TSC22D1: variants seen among roughly 807,000 people sequenced by gnomAD.
TSC22D1 encodes the protein TSC22 domain family member 1.
A neutral mutation model predicts 74.2 loss-of-function variants in TSC22D1; 9 were observed. The ratio of observed to expected loss-of-function variants is 0.12; its 90% confidence interval spans 0.07 to 0.21. TSC22D1 has a LOEUF of 0.21. TSC22D1 is among the 10% of genes least tolerant of loss of function. The pLI, the probability that TSC22D1 is intolerant of heterozygous loss-of-function variation, is 1.00. For missense variants in TSC22D1, 1,427 were observed against 1,304.7 expected (o/e 1.09, Z -1.44); for synonymous variants, 586 against 492.5 (o/e 1.19, Z -2.51).
intron 1 of TSC22D1, among the ~76,000 whole-genome samples, chr13:44,535,679 A>C (rs1295402309): frequency 6.6e-6 from 1 of 152,002 alleles, no homozygotes; most frequent in Non-Finnish European, 1.5e-5. Context: ...AGAACAATCA[A>C]AACAGATTTT....
chr13:44,451,240 C>T (rs1876106888), intron 1 of TSC22D1, among the ~76,000 whole-genome samples: 1 of 152,198 alleles, frequency 6.6e-6, no homozygotes, highest in African/African-American at 2.4e-5. Flanking sequence ...GCAGCTGCAA[C>T]CGTGACAGAA....
intron 1 of TSC22D1, among the ~76,000 whole-genome samples, chr13:44,525,116 G>C (rs971654613): frequency 6.6e-6 from 1 of 152,190 alleles, no homozygotes; most frequent in African/African-American, 2.4e-5. Context: ...CCACCTAAGG[G>C]GGGTAAAAAA....
intron 1 of TSC22D1, chr13:44,436,522 G>A: frequency 1.2e-6 from 2 of 1,614,090 alleles, no homozygotes; most frequent in Non-Finnish European, 1.7e-6. Flanking sequence ...AAGTCTCACA[G>A]AAGCGTTTTC....
chr13:44,576,127 G>C lies in TSC22D1; in HGVS notation c.-53C>G, dbSNP rs1356874634. ...GACGAGTGCAATTTCCTTCTGCACC[G>C]TAATCTTTGTATTGGAGACGCCGGA... On this transcript the variant is annotated 5_prime_UTR_variant, in exon 1 of 3. Coordinates refer to ENST00000458659, the MANE Select transcript of TSC22D1 (RefSeq NM_183422.4). 2 of 1,445,616 alleles carry C rather than the reference G, an allele frequency of 1.4e-6. No homozygotes were observed. The highest frequency in any genetic ancestry group is 2.7e-5 in the Admixed American group (1 of 36,640). 89.5% of individuals were successfully genotyped at this position (1,445,616 alleles called of 1,614,324 possible).
chr13:44,501,277 A>C (rs1460066602), intron 1 of TSC22D1, among the ~76,000 whole-genome samples: 1 of 152,186 alleles, frequency 6.6e-6, no homozygotes, highest in Non-Finnish European at 1.5e-5. Context: ...GCATTAACAG[A>C]TATCCCAACG....
chr13:44,461,200 C>A (rs767708480), intron 1 of TSC22D1, among the ~76,000 whole-genome samples: 1 of 152,114 alleles, frequency 6.6e-6, no homozygotes, highest in Non-Finnish European at 1.5e-5. Flanking sequence ...TAGTAGTTAA[C>A]TGAGACTATG....
rs1434186613 is a variant in TSC22D1 at position 44,574,493 on chromosome 13, G to T, written c.1582C>A (p.Gln528Lys). 1 of 1,614,172 alleles carries T rather than the reference G, an allele frequency of 6.2e-7. No individual in the cohort carries two copies. Among genetic ancestry groups the T allele is most frequent in the Admixed American group, 1.7e-5 (1 of 60,032 alleles). ...GGTATACTAACTGCTGGAATACTCT[G>T]TGGACCAGTGCTACCAAAATCCATC... ...QQMDFGSTGP[Q>K]SIPAVSIPQS... Residue 528 changes from glutamine (Q) to lysine (K), a missense_variant, in exon 1 of 3, where the codon CAG becomes AAG. Transcript: ENST00000458659.
At chr13:44,542,461 A>G (rs1044198359) in intron 1 of TSC22D1, among the ~76,000 whole-genome samples, 3 of 152,138 alleles carry the variant, frequency 2.0e-5, no homozygotes, top group African/African-American at 7.2e-5. Context: ...ATAGATAAAA[A>G]GTACAACAAA....
At chr13:44,535,283 A>C (rs372840775) in intron 1 of TSC22D1, among the ~76,000 whole-genome samples, 1 of 152,140 alleles carries the variant, frequency 6.6e-6, no homozygotes, top group African/African-American at 2.4e-5. Flanking sequence ...ACTCCGATGA[A>C]TACTTCAAAG....
intron 1 of TSC22D1, chr13:44,538,333 TA>T (rs1242197580): frequency 2.0e-6 from 2 of 985,250 alleles, no homozygotes; most frequent in Non-Finnish European, 2.4e-6. Context: ...GAAGATGAGC[TA>T]AAAGAGTATA....
chr13:44,447,219 G>T (rs1875749798), intron 1 of TSC22D1, among the ~76,000 whole-genome samples: 1 of 151,744 alleles, frequency 6.6e-6, no homozygotes, highest in African/African-American at 2.4e-5. Context: ...CCTGGGCTCA[G>T]GCAGTCCTCC....
rs746949396 is a variant in TSC22D1, at chr13:44,574,628, T to A, written c.1447A>T (p.Ser483Cys). ...GCTCCCATCTCTCCACTTCCCACAC[T>A]CTCTGTATAGTGACTCAGTGTGCTG... ...SVSTLSHYTE[S>C]VGSGEMGAPT... The change falls in exon 1 of 3, where the codon AGT becomes TGT. Residue 483 changes from serine (S) to cysteine (C), a missense_variant. This residue lies in a region of TSC22D1 where 1,343 missense variants were observed against 1,191.5 expected (regional missense o/e 1.13). Transcript: ENST00000458659. The A allele has an allele frequency of 6.2e-7, 1 of 1,614,010 alleles. No individual in the cohort carries two copies. The highest frequency in any genetic ancestry group is 8.5e-7 in the Non-Finnish European group (1 of 1,180,014).
At chr13:44,438,371 T>A (rs1305187847) in intron 1 of TSC22D1, among the ~76,000 whole-genome samples, 1 of 152,180 alleles carries the variant, frequency 6.6e-6, no homozygotes, top group African/African-American at 2.4e-5. Flanking sequence ...TCAAGCAGCA[T>A]CCTTTTCTAA....
chr13:44,451,444 C>G (rs1388746504), intron 1 of TSC22D1: 1 of 151,736 alleles, frequency 6.6e-6, no homozygotes, highest in Non-Finnish European at 1.5e-5. Flanking sequence ...GAAGAGAGAG[C>G]TTTGATTCTG....
chr13:44,546,749 C>CGTGTGTGTGTGT (rs58111185), intron 1 of TSC22D1, among the ~76,000 whole-genome samples: 61 of 146,736 alleles, frequency 4.2e-4, no homozygotes, highest in African/African-American at 1.0e-3. Context: ...GTGTGAAATA[C>CGTGTGTGTGTGT]GTGTGTGTGT....
In TSC22D1 at chr13:44,573,463, C is replaced by T. The variant is rs1883923697; in HGVS notation, c.2612G>A (p.Ser871Asn). Residue 871 changes from serine (S) to asparagine (N), a missense_variant, in exon 1 of 3, where the codon AGT becomes AAT. Physicochemically the swap from Ser to Asn is conservative, Grantham distance 46. This residue lies in a region of TSC22D1 where 1,343 missense variants were observed against 1,191.5 expected (regional missense o/e 1.13). Transcript: ENST00000458659. ...TGCTATCAAGGGAGGTTGACTAACACTTTGAACCAAATTACCATTTTGGGT... is the reference window on the plus strand; with the variant it reads ...TGCTATCAAGGGAGGTTGACTAACATTTTGAACCAAATTACCATTTTGGGT... The part of the protein sequence containing the change: ...PATQNGNLVQ[S>N]VSQPPLIATN... The T allele has an allele frequency of 6.2e-7, 1 of 1,614,232 alleles. No homozygotes were observed. Among genetic ancestry groups the T allele is most frequent in the Non-Finnish European group, 8.5e-7 (1 of 1,180,048 alleles).
intron 1 of TSC22D1, among the ~76,000 whole-genome samples, chr13:44,554,630 CAAA>C (rs59922380): frequency 1.6e-4 from 11 of 68,640 alleles, no homozygotes; most frequent in African/African-American, 4.3e-4. Flanking sequence ...ATACCAGGAA[CAAA>C]AAAAAAAAAA....
chr13:44,454,013 TA>T (rs1177030526), intron 1 of TSC22D1, among the ~76,000 whole-genome samples: 4 of 152,322 alleles, frequency 2.6e-5, no homozygotes, highest in African/African-American at 9.6e-5. Flanking sequence ...TTATTTTGAA[TA>T]AAACAAGATG....
At chr13:44,538,630 A>G (rs959774808) in intron 1 of TSC22D1, 3 of 985,416 alleles carry the variant, frequency 3.0e-6, no homozygotes, top group Non-Finnish European at 3.6e-6. Context: ...TAAAATTCCA[A>G]TCTGAAAAGA....
Sources: allele counts gnomAD v4.1 joint callset (sites outside exome capture counted in the v4.1 genomes callset), GRCh38; gene constraint gnomAD v4.1.1; regional missense constraint gnomAD v4.1.1; transcripts MANE v1.5; gene names NCBI Gene and HGNC (gene_info 2026-07-23, HGNC 2026-07-21).